The following ATRNL1 variants were observed in gnomAD, a reference collection of about 807,000 sequenced individuals.
ATRNL1 encodes the protein attractin like 1.
Under a neutral mutation model 182.7 loss-of-function variants are expected in ATRNL1, and 95 were observed. That is an observed-to-expected ratio of 0.52 (90% CI 0.44 to 0.62). The LOEUF is 0.62. Ranked by LOEUF, ATRNL1 falls within the 20% of genes least tolerant of loss-of-function variation. The probability of loss-of-function intolerance (pLI) is 0.00; values close to 1 mark genes in which losing one functional copy is unlikely to be tolerated. For missense variants in ATRNL1, 1,471 were observed against 1,679.5 expected (o/e 0.88, Z 2.17); for synonymous variants, 576 against 568.3 (o/e 1.01, Z -0.19).
intron 28 of ATRNL1, among the ~76,000 whole-genome samples, chr10:115,888,396 A>G (rs59851778): frequency 0.075 from 11,446 of 152,178 alleles, 1,283 homozygotes; most frequent in African/African-American, 0.24. Flanking sequence ...TAGGGCAGAG[A>G]CCACATCTGT....
Position 115,918,398 on chromosome 10 carries a change from C to T in ATRNL1, c.4019-26260C>T, listed in dbSNP as rs561401385. 7.2e-5 allele frequency among the ~76,000 whole-genome samples: 11 copies of T among 152,240 alleles called. No individual in the cohort carries two copies. In the South Asian group the frequency reaches 8.3e-4, roughly 11 times the overall value. On this transcript the variant is annotated intron_variant, in intron 28 of 28. Transcript: ENST00000355044. ...GATTACAGGCATGAGCCACCGCGTC[C>T]GGCCTTTTTAGCGTCTTTTCTTTGC...
intron 26 of ATRNL1, among the ~76,000 whole-genome samples, chr10:115,645,958 G>A (rs1859582879): frequency 6.6e-6 from 1 of 151,044 alleles, no homozygotes; most frequent in Admixed American, 6.6e-5. Context: ...TCAACCTTTA[G>A]ATCCCATATT....
chr10:115,770,896 C>T (rs934634820), intron 27 of ATRNL1, among the ~76,000 whole-genome samples: 3 of 152,022 alleles, frequency 2.0e-5, no homozygotes, highest in Admixed American at 1.3e-4. Context: ...ATATCCAAAA[C>T]GTTTTTAAGT....
chr10:115,464,466 A>G (rs1302932498), intron 22 of ATRNL1, among the ~76,000 whole-genome samples: 2 of 151,974 alleles, frequency 1.3e-5, no homozygotes, highest in Non-Finnish European at 2.9e-5. Context: ...ACAATGTTCT[A>G]AATCACTGAT....
chr10:115,910,513 C>T (rs527991588), intron 28 of ATRNL1, among the ~76,000 whole-genome samples: 12 of 152,234 alleles, frequency 7.9e-5, no homozygotes, highest in East Asian at 1.9e-4. Flanking sequence ...TCAGGCAGTC[C>T]GTGCTCAGCA....
intron 26 of ATRNL1, among the ~76,000 whole-genome samples, chr10:115,564,702 A>G (rs974397907): frequency 2.6e-5 from 4 of 151,814 alleles, no homozygotes; most frequent in Non-Finnish European, 5.9e-5. Context: ...CACCCACTCA[A>G]TTATTCTCTC....
chr10:115,834,249 G>A lies in ATRNL1; in HGVS notation c.3904-13628G>A, dbSNP rs1361586462. On this transcript the variant is annotated intron_variant, in intron 27 of 28. Transcript: ENST00000355044. ...CATCCCATTAGAAACTACTTTCTGC[G>A]GCTCCAATATTCCTTCTTTATTTTG... 5.9e-5 allele frequency among the ~76,000 whole-genome samples: 9 copies of A among 152,052 alleles called. No homozygotes were observed. In the East Asian group the frequency reaches 1.3e-3, roughly 23 times the overall value.
At chr10:115,806,918 T>C (rs782486299) in intron 27 of ATRNL1, among the ~76,000 whole-genome samples, 2 of 152,146 alleles carry the variant, frequency 1.3e-5, no homozygotes, top group African/African-American at 2.4e-5. Context: ...ATCTGTTTTT[T>C]CATCAGTATT....
At chr10:115,634,257 C>T (rs1459842566) in intron 26 of ATRNL1, among the ~76,000 whole-genome samples, 2 of 152,100 alleles carry the variant, frequency 1.3e-5, no homozygotes, top group Non-Finnish European at 2.9e-5. Flanking sequence ...TTTTCCGACT[C>T]ACTGTAATGA....
chr10:115,093,958 T>C lies in ATRNL1; in HGVS notation c.208T>C (p.Phe70Leu). 1.3e-6 allele frequency: 2 copies of C among 1,587,996 alleles called. No individual in the cohort carries two copies. Among genetic ancestry groups the C allele is most frequent in the South Asian group, 2.3e-5 (2 of 87,696 alleles). The stretch of plus-strand genomic sequence containing the variant: ...GCCGTGCGAGAGGACCGGCTCCTGC[T>C]TCTCGGGCCGCTGTGTCAACTCCAC... The part of the protein sequence containing the change: ...SKPCERTGSC[F>L]SGRCVNSTCL... Residue 70 changes from phenylalanine (F) to leucine (L), a missense_variant, in exon 1 of 29, where the codon TTC becomes CTC. Physicochemically the swap from Phe to Leu is conservative, Grantham distance 22 (BLOSUM62 0). This residue lies in a region of ATRNL1 where 1,031 missense variants were observed against 1,156.0 expected (regional missense o/e 0.89). Transcript: ENST00000355044. This position sits in a 1 kb window ranked among gnomAD's most constrained non-coding sequence, Gnocchi z 6.1.
intron 19 of ATRNL1, among the ~76,000 whole-genome samples, chr10:115,368,431 C>T (rs530494401): frequency 6.6e-6 from 1 of 152,324 alleles, no homozygotes; most frequent in East Asian, 1.9e-4. Flanking sequence ...TATGGCACTC[C>T]CTAGTGAGAT....
intron 26 of ATRNL1, among the ~76,000 whole-genome samples, chr10:115,552,077 A>G (rs1178841538): frequency 6.6e-6 from 1 of 151,436 alleles, no homozygotes; most frequent in Non-Finnish European, 1.5e-5. Flanking sequence ...AGGGCTTAGT[A>G]GTATCCACAG....
chr10:115,244,280 A>T (rs1469762499), intron 10 of ATRNL1, among the ~76,000 whole-genome samples: 1 of 152,146 alleles, frequency 6.6e-6, no homozygotes, highest in Non-Finnish European at 1.5e-5. Context: ...TTATTTGAAC[A>T]TTACTCTCAC....
In ATRNL1 at chr10:115,854,972, A is replaced by G. The variant is rs986801143; in HGVS notation, c.4018+6981A>G. 2.0e-5 allele frequency among the ~76,000 whole-genome samples: 3 copies of G among 152,048 alleles called. No homozygotes were observed. In the East Asian group the frequency reaches 5.8e-4, roughly 29 times the overall value. On this transcript the variant is annotated intron_variant, in intron 28 of 28. Coordinates refer to ENST00000355044, the MANE Select transcript of ATRNL1 (RefSeq NM_207303.4). ...TTTGCAGACTTTTCATTGCCTGTTG[A>G]AATAGGTCCAGACGTTTACTCTGGA...
intron 27 of ATRNL1, among the ~76,000 whole-genome samples, chr10:115,762,405 A>G (rs1237521168): frequency 6.6e-6 from 1 of 152,164 alleles, no homozygotes; most frequent in African/African-American, 2.4e-5. Flanking sequence ...TTAATGCAGA[A>G]AATCTAGTAC....
At chr10:115,786,284 G>T (rs1555080417) in intron 27 of ATRNL1, among the ~76,000 whole-genome samples, 1 of 151,994 alleles carries the variant, frequency 6.6e-6, no homozygotes, top group African/African-American at 2.4e-5. Flanking sequence ...CAAAATGTGT[G>T]TCAGTTTCCT....
intron 26 of ATRNL1, among the ~76,000 whole-genome samples, chr10:115,692,128 A>G (rs534298398): frequency 6.6e-6 from 1 of 152,324 alleles, no homozygotes; most frequent in East Asian, 1.9e-4. Flanking sequence ...ATCAAATAAT[A>G]CAATTTAAAT....
chr10:115,683,112 A>T (rs1946103738), intron 26 of ATRNL1, among the ~76,000 whole-genome samples: 2 of 152,130 alleles, frequency 1.3e-5, no homozygotes, highest in Non-Finnish European at 2.9e-5. Flanking sequence ...TAAATTGATA[A>T]AGTTTTTAAT....
chr10:115,423,287 A>G (rs1845727772), intron 20 of ATRNL1, among the ~76,000 whole-genome samples: 1 of 152,110 alleles, frequency 6.6e-6, no homozygotes, highest in South Asian at 2.1e-4. Context: ...TAATCCCAGC[A>G]CTTTGGGAGG....
Sources: allele counts gnomAD v4.1 joint callset (sites outside exome capture counted in the v4.1 genomes callset), GRCh38; gene constraint gnomAD v4.1.1; regional missense constraint gnomAD v4.1.1; non-coding constraint Gnocchi (gnomAD v3.1); transcripts MANE v1.5; gene names NCBI Gene and HGNC (gene_info 2026-07-23, HGNC 2026-07-21).